USH2A: variants seen among roughly 807,000 people sequenced by gnomAD.
USH2A encodes Usher syndrome 2A (autosomal recessive, mild).
USH2A carries 443 observed loss-of-function variants against 538.9 expected under a neutral mutation model. The ratio of observed to expected loss-of-function variants is 0.82; its 90% CI spans 0.76 to 0.89. USH2A has a LOEUF of 0.89. USH2A is among the 40% of genes least tolerant of loss of function. The pLI is 0.00. For missense variants in USH2A, 6,633 were observed against 6,324.8 expected, an observed-to-expected ratio of 1.05 and a Z score of -1.65; for synonymous variants, 2,413 against 2,273.5, an observed-to-expected ratio of 1.06 and a Z score of -1.75.
chr1:215,680,495 T>A, intron 61 of USH2A, 119 bp from the exon 62 acceptor site: 2 of 881,958 alleles, frequency 2.3e-6, no homozygotes, highest in East Asian at 2.5e-5. Context: ...GCGCAAACAC[T>A]ACAGCAGAGT....
chr1:215,716,452 C>T (rs933652123), intron 61 of USH2A, among the ~76,000 whole-genome samples: 10 of 152,178 alleles, frequency 6.6e-5, no homozygotes, highest in Non-Finnish European at 1.5e-4. Context: ...CCTAAAAAAA[C>T]ACAGAACCAG....
intron 14 of USH2A, among the ~76,000 whole-genome samples, chr1:216,218,975 A>T (rs766139583): frequency 2.3e-5 from 3 of 128,830 alleles, no homozygotes; most frequent in Non-Finnish European, 3.2e-5. Context: ...ATAAGAGAAA[A>T]GCTTCTCTCA....
At chr1:216,054,507 C>T (rs2030906630) in intron 30 of USH2A, among the ~76,000 whole-genome samples, 1 of 152,294 alleles carries the variant, frequency 6.6e-6, no homozygotes, top group African/African-American at 2.4e-5. Flanking sequence ...TTATGATTAA[C>T]TCCTCTGACT....
chr1:216,408,138 TAA>T (rs1345552365), intron 3 of USH2A, among the ~76,000 whole-genome samples: 9 of 152,204 alleles, frequency 5.9e-5, no homozygotes, highest in Admixed American at 5.9e-4. Flanking sequence ...TTTTCATGTT[TAA>T]ATGTTAATTT....
At chr1:215,904,782 T>C (rs1665590125) in intron 38 of USH2A, among the ~76,000 whole-genome samples, 1 of 152,112 alleles carries the variant, frequency 6.6e-6, no homozygotes, top group African/African-American at 2.4e-5. Context: ...TATCCCAATC[T>C]ATAAACTCAA....
intron 51 of USH2A, among the ~76,000 whole-genome samples, chr1:215,788,163 A>G (rs912862643): frequency 6.6e-6 from 1 of 152,138 alleles, no homozygotes; most frequent in Non-Finnish European, 1.5e-5. Context: ...AAAATAATAC[A>G]CACAAGACAG....
At chr1:215,844,174 C>T in intron 46 of USH2A, 120 bp downstream of exon 46, 5 of 1,063,458 alleles carry the variant, frequency 4.7e-6, no homozygotes, top group Non-Finnish European at 5.6e-6. Flanking sequence ...TCTCTCTTTT[C>T]CCTTCCCCAC....
chr1:216,304,746 T>A (rs186490383), intron 9 of USH2A, among the ~76,000 whole-genome samples: 18 of 152,188 alleles, frequency 1.2e-4, no homozygotes, highest in East Asian at 7.7e-4. Context: ...AGGACTTTTT[T>A]AATTTCCATC....
At chr1:215,801,171 CCTAATG>C (rs1169778193) in intron 49 of USH2A, among the ~76,000 whole-genome samples, 3 of 151,936 alleles carry the variant, frequency 2.0e-5, no homozygotes, top group African/African-American at 7.2e-5. Flanking sequence ...AAAACCTATA[CCTAATG>C]TCATACTCAA....
rs1553258116 is a variant in USH2A at position 215,747,890 on chromosome 1, G to GTT, written c.11390-4556_11390-4555insAA. 5.4e-4 allele frequency among the ~76,000 whole-genome samples: 49 copies of GTT among 91,232 alleles called. 2 individuals are homozygous for GTT. The South Asian group carries it at 0.013, about 23-fold the overall frequency. The allele number at this position is 91,232 out of a possible 152,430, so 59.9% of individuals were successfully genotyped here. A position where few individuals can be genotyped will look rare whatever the true frequency, so the allele number is the denominator to read the frequency against. On this transcript the variant is annotated intron_variant, in intron 58 of 71. Transcript: ENST00000307340. ...TTTTTTTTTGTTTGTTTGTTTGTTTGGTTTTTTTTTTTGAGACGGAGTCTC... is the reference window on the plus strand; with the variant it reads ...TTTTTTTTTGTTTGTTTGTTTGTTTGTTGTTTTTTTTTTTGAGACGGAGTCTC...
At position 215,888,502 on chromosome 1, in the gene USH2A, T is replaced by A. The variant is rs1359460333; in HGVS notation, c.8147A>T (p.Glu2716Val). Residue 2716 changes from glutamate (E) to valine (V), a missense_variant, in exon 41 of 72, where the codon GAA (glutamate) becomes GTA (valine). Transcript: ENST00000307340. ...AGGTCGTGAGGGTCTTGTGGTAACT[T>A]CTACCCAAGCACTGCTGTTTGTGCC... ...HGGTNSSAWV[E>V]VTTRPSRPAG... The A allele has an allele frequency of 6.2e-7, 1 of 1,614,054 alleles. No individual in the cohort carries two copies. The highest frequency in any genetic ancestry group is 2.2e-5 in the East Asian group (1 of 44,876).
intron 32 of USH2A, among the ~76,000 whole-genome samples, chr1:216,013,023 C>T (rs1325265943): frequency 1.3e-5 from 2 of 152,190 alleles, no homozygotes; most frequent in Non-Finnish European, 2.9e-5. Flanking sequence ...TCTCCTCATG[C>T]TATCCCCAAA....
At chr1:216,249,866 G>A (rs1475873834) in intron 12 of USH2A, among the ~76,000 whole-genome samples, 10 of 148,828 alleles carry the variant, frequency 6.7e-5, no homozygotes, top group Admixed American at 5.3e-4. Context: ...GTAAGCATTC[G>A]TGTGTGTGTG....
At chr1:215,792,762 A>T (rs1311966900) in intron 50 of USH2A, among the ~76,000 whole-genome samples, 3 of 152,184 alleles carry the variant, frequency 2.0e-5, no homozygotes. Context: ...CCCCTACCTA[A>T]TTTATCACAT....
At chr1:215,817,290 TA>T (rs1662886353) in intron 47 of USH2A, 95 bp from the exon 48 acceptor site, 1 of 597,152 alleles carries the variant, frequency 1.7e-6, no homozygotes, top group South Asian at 2.6e-5. Context: ...TAGATACTAA[TA>T]TATATATATA....
At chr1:216,316,343 T>A (rs1009009535) in intron 9 of USH2A, among the ~76,000 whole-genome samples, 3 of 152,160 alleles carry the variant, frequency 2.0e-5, no homozygotes, top group Non-Finnish European at 4.4e-5. Context: ...AATATAGCAA[T>A]GAACAGCTGG....
intron 11 of USH2A, among the ~76,000 whole-genome samples, chr1:216,281,611 T>C (rs2036778171): frequency 6.6e-6 from 1 of 152,160 alleles, no homozygotes; most frequent in Non-Finnish European, 1.5e-5. Context: ...CTACATTTTA[T>C]CTATTCATTC....
At chr1:216,228,858 C>G (rs188518943) in intron 14 of USH2A, among the ~76,000 whole-genome samples, 1 of 152,238 alleles carries the variant, frequency 6.6e-6, no homozygotes, top group East Asian at 1.9e-4. Context: ...GATATCCAAA[C>G]TCATTTATAT....
intron 21 of USH2A, among the ~76,000 whole-genome samples, chr1:216,138,473 A>C (rs1282713276): frequency 6.6e-6 from 1 of 152,150 alleles, no homozygotes; most frequent in Admixed American, 6.6e-5. Flanking sequence ...GATAAGCTTC[A>C]ATTAATTTTA....
Sources: gnomAD v4.1 joint callset for allele counts (sites outside exome capture counted in the v4.1 genomes callset) on GRCh38, gnomAD v4.1.1 for gene constraint, MANE v1.5 for transcripts, NCBI Gene and HGNC (gene_info 2026-07-23, HGNC 2026-07-21) for gene names.